The following PRPF18 variants were observed in gnomAD, a reference collection of about 807,000 sequenced individuals.
PRPF18 encodes the protein pre-mRNA-splicing factor 18.
A neutral mutation model predicts 46.5 loss-of-function variants in PRPF18; 38 were observed. The observed-to-expected ratio is 0.82, with a 90% CI of 0.63 to 1.07. PRPF18 has a LOEUF of 1.07. Among genes scored for constraint, PRPF18 ranks in the 50% least tolerant of loss-of-function variants. PRPF18 has a pLI of 0.00. For synonymous variants in PRPF18, 152 were observed against 146.7 expected, an observed-to-expected ratio of 1.04 and a Z score of -0.26; for missense variants, 263 against 410.0, an observed-to-expected ratio of 0.64 and a Z score of 3.10.
intron 6 of PRPF18, among the ~76,000 whole-genome samples, chr10:13,613,105 A>G (rs1044732440): frequency 5.9e-5 from 9 of 152,168 alleles, no homozygotes; most frequent in Non-Finnish European, 1.0e-4. Context: ...TTCCTCTTTG[A>G]GTGATGGCCT....
downstream of PRPF18, chr10:13,631,959 A>G (rs2080593701): frequency 1.3e-5 from 2 of 152,412 alleles, no homozygotes; most frequent in African/African-American, 4.8e-5. Flanking sequence ...GGTTATATGC[A>G]TGGTGGTGGC....
chr10:13,652,443 C>G, the PRPF18 span: 131,756 of 166,840 alleles, frequency 0.79, 52,428 homozygotes, highest in East Asian at 0.84. Flanking sequence ...GTTGGAAGAT[C>G]TAGAGAGGGA....
At chr10:13,606,943 T>C (rs528817332) in intron 4 of PRPF18, among the ~76,000 whole-genome samples, 2 of 152,266 alleles carry the variant, frequency 1.3e-5, no homozygotes, top group African/African-American at 4.8e-5. Flanking sequence ...CATGTGGTAT[T>C]GTTAGTCTTT....
At chr10:13,595,239 G>C (rs1249452748) in intron 1 of PRPF18, among the ~76,000 whole-genome samples, 1 of 152,094 alleles carries the variant, frequency 6.6e-6, no homozygotes, top group African/African-American at 2.4e-5. Context: ...ATTTGACCTT[G>C]CAAAACCTCT....
chr10:13,608,046 A>G lies in PRPF18; in HGVS notation c.364-1993A>G, dbSNP rs897454744. Among the ~76,000 whole-genome samples the G allele has an allele frequency of 2.0e-5, 3 of 152,198 alleles. No homozygotes were observed. In the South Asian group the frequency reaches 6.2e-4, roughly 32 times the overall value. ...AGGTGTGGTTACCTATGACTATGTA[A>G]CAGACTACTCCAAAACTTACTAGTG... On this transcript the variant is annotated intron_variant, in intron 4 of 9. Transcript: ENST00000378572.
At chr10:13,592,679 C>A (rs1589116671) in intron 1 of PRPF18, among the ~76,000 whole-genome samples, 2 of 152,238 alleles carry the variant, frequency 1.3e-5, no homozygotes, top group South Asian at 4.2e-4. Context: ...TGTTTTGGAG[C>A]CTAGAATTGG....
At chr10:13,647,953 A>G in the PRPF18 span, 121,266 of 151,972 alleles carry the variant, frequency 0.8, 48,658 homozygotes, top group East Asian at 0.85. Flanking sequence ...GGGATGGGTG[A>G]CAGGAAGGGA....
At chr10:13,605,851 A>T (rs2080176317) in intron 4 of PRPF18, 107 bp downstream of exon 4, 1 of 1,365,918 alleles carries the variant, frequency 7.3e-7, no homozygotes, top group Non-Finnish European at 9.5e-7. Flanking sequence ...TAAAGTGAGC[A>T]GATTATTGCT....
chr10:13,647,290 T>C, the PRPF18 span: 1 of 152,366 alleles, frequency 6.6e-6, no homozygotes, highest in South Asian at 2.1e-4. Context: ...ACTTACTCAG[T>C]GCGGTGGTTC....
At chr10:13,634,728 CAA>C (rs558277009), downstream of PRPF18, among the ~76,000 whole-genome samples, 404 of 152,348 alleles carry the variant, frequency 2.7e-3, 4 homozygotes, top group Middle Eastern at 0.01. Flanking sequence ...CTACCTGAAA[CAA>C]AGTCACTGGC....
the PRPF18 span, chr10:13,640,730 C>T: frequency 6.6e-6 from 1 of 152,448 alleles, no homozygotes; most frequent in African/African-American, 2.4e-5. Flanking sequence ...GTCCCTTTTA[C>T]TCTCACATGT....
Position 13,587,160 on chromosome 10 carries a change from C to A in PRPF18, c.66+8C>A, listed in dbSNP as rs758454254. 20 of 1,611,808 alleles carry A rather than the reference C, an allele frequency of 1.2e-5. No individual in the cohort carries two copies. The South Asian group carries it at 2.2e-4, about 18-fold the overall frequency. On this transcript the variant is annotated splice_region_variant and intron_variant, in intron 1 of 9. Transcript: ENST00000378572. ...GACAGGAACCTGCTGGTGGTGAGGA[C>A]CCTGCGGTCGTGGGGGTCGGGATGT...
In PRPF18 at chr10:13,614,686, G is replaced by A. The variant is rs185643359; in HGVS notation, c.792+600G>A. ...TCCTGAATGGGCTCTGGGAGGCAGC[G>A]GTGAGGGAAAGGGTGCTGGTGTCCA... On this transcript the variant is annotated intron_variant, in intron 8 of 9. Transcript: ENST00000378572. Among the ~76,000 whole-genome samples the A allele has an allele frequency of 5.7e-4, 87 of 152,266 alleles. 1 individual carries two copies. The highest frequency in any genetic ancestry group is 5.0e-3 in the Admixed American group (76 of 15,298).
intron 9 of PRPF18, among the ~76,000 whole-genome samples, chr10:13,629,799 A>G (rs759667545): frequency 2.5e-4 from 38 of 152,310 alleles, no homozygotes; most frequent in Non-Finnish European, 4.4e-4. Context: ...TCCAAACATG[A>G]TACATAAATA....
At chr10:13,591,320 A>G (rs1006465662) in intron 1 of PRPF18, 3 of 308,116 alleles carry the variant, frequency 9.7e-6, no homozygotes, top group African/African-American at 6.6e-5. Context: ...ATAGCAATAC[A>G]TTTTTATATA....
Position 13,602,710 on chromosome 10 carries a change from T to C in PRPF18, c.249+2362T>C, listed in dbSNP as rs182799224. Among the ~76,000 whole-genome samples, 305 of 152,274 alleles carry C rather than the reference T, an allele frequency of 2.0e-3. 3 individuals are homozygous for C. Among genetic ancestry groups the C allele is most frequent in the Non-Finnish European group, 1.2e-4 (8 of 68,018 alleles). ...TAGTCAAAATACTTGAAATTTCACG[T>C]CACTTACATATTTTAGAATTCTGTT... On this transcript the variant is annotated intron_variant, in intron 3 of 9. Transcript: ENST00000378572.
At chr10:13,634,367 A>G (rs940467155), downstream of PRPF18, among the ~76,000 whole-genome samples, 2 of 152,156 alleles carry the variant, frequency 1.3e-5, no homozygotes, top group African/African-American at 2.4e-5. Flanking sequence ...AATTTTACCA[A>G]TGAGAGCAGC....
At chr10:13,602,358 C>G (rs1441892192) in intron 3 of PRPF18, among the ~76,000 whole-genome samples, 1 of 152,090 alleles carries the variant, frequency 6.6e-6, no homozygotes. Flanking sequence ...TGCAGATCAA[C>G]ATATTTATAT....
chr10:13,601,582 C>G (rs2080110909), intron 3 of PRPF18, among the ~76,000 whole-genome samples: 1 of 152,172 alleles, frequency 6.6e-6, no homozygotes, highest in Non-Finnish European at 1.5e-5. Flanking sequence ...CCCTTTCACA[C>G]AAATGAGATG....
Sources: gnomAD v4.1 joint callset for allele counts (sites outside exome capture counted in the v4.1 genomes callset) on GRCh38, gnomAD v4.1.1 for gene constraint, MANE v1.5 for transcripts, NCBI Gene and HGNC (gene_info 2026-07-23, HGNC 2026-07-21) for gene names.